Variants in NAP1L4 observed in about 807,000 individuals in gnomAD.
NAP1L4 encodes nucleosome assembly protein 1-like 4.
In NAP1L4, 15 loss-of-function variants were observed where a neutral mutation model predicts 58.2. The observed-to-expected ratio is 0.26, with a 90% CI of 0.17 to 0.40. The LOEUF (loss-of-function observed/expected upper bound fraction) is 0.40, where lower values mean the gene tolerates loss of function less well. Among genes scored for constraint, NAP1L4 ranks in the 10% least tolerant of loss-of-function variants. The probability of loss-of-function intolerance (pLI) is 1.00; values close to 1 mark genes in which losing one functional copy is unlikely to be tolerated. For missense variants in NAP1L4, 384 were observed against 451.1 expected (o/e 0.85, Z 1.35); for synonymous variants, 171 against 155.6 (o/e 1.10, Z -0.74).
At chr11:2,947,732 G>C (rs1319283384) in intron 15 of NAP1L4, among the ~76,000 whole-genome samples, 1 of 152,162 alleles carries the variant, frequency 6.6e-6, no homozygotes, top group Non-Finnish European at 1.5e-5. Context: ...GGGAGGAGGA[G>C]TTGGCATTTT....
At chr11:2,960,142 C>T (rs1846785680) in intron 8 of NAP1L4, 1 of 459,146 alleles carries the variant, frequency 2.2e-6, no homozygotes, top group African/African-American at 2.0e-5. Context: ...GTTCCCCCTC[C>T]AATGCCTCCT....
intron 1 of NAP1L4, among the ~76,000 whole-genome samples, chr11:2,980,008 C>G (rs1848213045): frequency 6.6e-6 from 1 of 152,148 alleles, no homozygotes; most frequent in South Asian, 2.1e-4. Context: ...TCTTCCATTA[C>G]TTCTACACTG....
At chr11:2,960,127 G>GAACAC in intron 8 of NAP1L4, 1 of 492,766 alleles carries the variant, frequency 2.0e-6, no homozygotes, top group East Asian at 3.3e-5. Flanking sequence ...ATGAGTAAGG[G>GAACAC]GCATGTTCCC....
chr11:2,975,920 GA>G (rs201234538), intron 4 of NAP1L4, 103 bp downstream of exon 4: 3 of 1,030,116 alleles, frequency 2.9e-6, no homozygotes, highest in Non-Finnish European at 4.2e-6. Context: ...GTCTTGGAAC[GA>G]AAAAAACATT....
rs778591846 is a variant in NAP1L4, at chr11:2,954,259, T to C, written c.1035+268A>G. ...AAGCTTAGGTTTTGAGAGAATATTG[T>C]TGAGTCACTAGGCAGGGCTCACATA... On this transcript the variant is annotated intron_variant, in intron 12 of 15. Transcript: ENST00000380542. This position sits in a 1 kb window ranked among gnomAD's most constrained non-coding sequence, Gnocchi z 4.8. The C allele has an allele frequency of 3.4e-5, 18 of 533,622 alleles. No individual in the cohort carries two copies. Among genetic ancestry groups the C allele is most frequent in the Non-Finnish European group, 6.1e-5 (18 of 296,030 alleles). 33.1% of individuals were successfully genotyped at this position (533,622 alleles called of 1,614,324 possible). A position where few individuals can be genotyped will look rare whatever the true frequency, so the allele number is the denominator to read the frequency against.
Position 2,975,093 on chromosome 11 carries a change from C to T in NAP1L4, c.173+931G>A, listed in dbSNP as rs143450821. Among the ~76,000 whole-genome samples the T allele has an allele frequency of 2.0e-3, 309 of 151,826 alleles. 1 individual carries two copies. The highest frequency in any genetic ancestry group is 0.01 in the Middle Eastern group (3 of 294). Reference sequence around the variant, plus strand: ...GGAAACCAGCTGGAAGGTGGGGCCTCCTGGGAGACCAAGCCCTGACCCAAT... The same window carrying T: ...GGAAACCAGCTGGAAGGTGGGGCCTTCTGGGAGACCAAGCCCTGACCCAAT... On this transcript the variant is annotated intron_variant, in intron 4 of 15. Transcript: ENST00000380542.
At chr11:2,974,111 C>G (rs188186453) in intron 4 of NAP1L4, among the ~76,000 whole-genome samples, 1 of 152,134 alleles carries the variant, frequency 6.6e-6, no homozygotes, top group Non-Finnish European at 1.5e-5. Flanking sequence ...AGCTTTCCAA[C>G]TGAAGTAAAA....
At chr11:2,970,083 A>C in intron 6 of NAP1L4, 149 bp from the exon 7 acceptor site, 1 of 698,424 alleles carries the variant, frequency 1.4e-6, no homozygotes, top group Non-Finnish European at 2.2e-6. Context: ...TCACTGGGCC[A>C]CGCGACACTT....
chr11:2,987,106 A>C (rs1292984756), intron 1 of NAP1L4, among the ~76,000 whole-genome samples: 1 of 152,018 alleles, frequency 6.6e-6, no homozygotes, highest in Non-Finnish European at 1.5e-5. Flanking sequence ...TCTCAGAAGG[A>C]ATCAAGATAC....
At chr11:2,964,184 T>C (rs914589702) in intron 8 of NAP1L4, among the ~76,000 whole-genome samples, 1 of 152,222 alleles carries the variant, frequency 6.6e-6, no homozygotes, top group Non-Finnish European at 1.5e-5. Context: ...CTGATCATTA[T>C]GTGTACATAG....
chr11:2,988,305 G>T (rs1848764522), intron 1 of NAP1L4, among the ~76,000 whole-genome samples: 1 of 152,192 alleles, frequency 6.6e-6, no homozygotes, highest in Non-Finnish European at 1.5e-5. Flanking sequence ...CATATTAAAA[G>T]ATCTTGTCAT....
chr11:2,958,869 T>C (rs1846702201), intron 9 of NAP1L4: 1 of 273,628 alleles, frequency 3.7e-6, no homozygotes, highest in Non-Finnish European at 6.9e-6. Flanking sequence ...CAAGAACTTG[T>C]CCGCGGTTTC....
intron 3 of NAP1L4, 69 bp from the exon 4 acceptor site, chr11:2,976,192 T>C (rs1401152051): frequency 3.4e-5 from 39 of 1,145,816 alleles, no homozygotes; most frequent in Non-Finnish European, 4.3e-5. Flanking sequence ...AGTCAAAAAT[T>C]AGTAACATAT....
intron 8 of NAP1L4, among the ~76,000 whole-genome samples, chr11:2,963,148 A>G (rs1847044113): frequency 7.2e-6 from 1 of 139,068 alleles, no homozygotes. Context: ...AAAGAAAAGG[A>G]GAAAAAAGAA....
intron 1 of NAP1L4, among the ~76,000 whole-genome samples, chr11:2,986,398 G>A (rs1423176822): frequency 7.0e-6 from 1 of 142,162 alleles, no homozygotes; most frequent in East Asian, 2.3e-4. Context: ...GAAAAAGAAA[G>A]GAAAAAAAAA....
Position 2,951,806 on chromosome 11 carries a change from CAAACTGGAG to C in NAP1L4, c.1036-6_1038del. The C allele has an allele frequency of 6.2e-7, 1 of 1,613,978 alleles. No individual in the cohort carries two copies. The highest frequency in any genetic ancestry group is 2.2e-5 in the East Asian group (1 of 44,892). On this transcript the variant is annotated splice_acceptor_variant and splice_polypyrimidine_tract_variant and coding_sequence_variant and intron_variant, in exon 13 of 16. Coordinates refer to ENST00000380542, the MANE Select transcript of NAP1L4 (RefSeq NM_005969.4). LOFTEE classifies it high-confidence loss of function. The surrounding 1 kb of genome is among the most constrained non-coding windows in gnomAD (Gnocchi z 4.0). ...TCCTCTTCTCCTTCTTCACCTTCTT[CAAACTGGAG>C]AAACACAGAAAAACATTTTTAGGTT...
At chr11:2,985,530 C>A (rs1019598745) in intron 1 of NAP1L4, among the ~76,000 whole-genome samples, 1 of 152,128 alleles carries the variant, frequency 6.6e-6, no homozygotes, top group Admixed American at 6.5e-5. Flanking sequence ...CTATAGTTAA[C>A]AACAATGTAT....
intron 8 of NAP1L4, among the ~76,000 whole-genome samples, chr11:2,962,807 T>C (rs537098236): frequency 6.6e-6 from 1 of 151,200 alleles, no homozygotes; most frequent in Admixed American, 6.6e-5. Context: ...AGGTGTCCAA[T>C]AAGAAAAAAA....
At chr11:2,981,371 C>G (rs1292060301) in intron 1 of NAP1L4, among the ~76,000 whole-genome samples, 2 of 137,240 alleles carry the variant, frequency 1.5e-5, no homozygotes, top group Admixed American at 8.5e-5. Context: ...TGACCTATGA[C>G]TGCGCCACTG....
Sources: allele counts gnomAD v4.1 joint callset (sites outside exome capture counted in the v4.1 genomes callset), GRCh38; gene constraint gnomAD v4.1.1; non-coding constraint Gnocchi (gnomAD v3.1); transcripts MANE v1.5; gene names NCBI Gene and HGNC (gene_info 2026-07-23, HGNC 2026-07-21).